Variants in CARMIL1 observed in about 807,000 individuals in gnomAD.
CARMIL1 encodes the protein F-actin-uncapping protein LRRC16A.
CARMIL1 carries 90 observed loss-of-function variants against 177.1 expected under a neutral mutation model. The observed-to-expected ratio is 0.51, with a 90% CI of 0.43 to 0.61. The LOEUF (loss-of-function observed/expected upper bound fraction) is 0.61. Ranked by LOEUF, CARMIL1 falls within the 20% of genes least tolerant of loss-of-function variation. The probability of loss-of-function intolerance (pLI) is 0.00; values close to 1 mark genes in which losing one functional copy is unlikely to be tolerated. For synonymous variants in CARMIL1, 577 were observed against 606.2 expected, an observed-to-expected ratio of 0.95 and a Z score of 0.71; for missense variants, 1,380 against 1,667.0, an observed-to-expected ratio of 0.83 and a Z score of 3.00.
At chr6:25,508,207 G>T (rs7738264) in intron 17 of CARMIL1, among the ~76,000 whole-genome samples, 66,333 of 151,896 alleles carry the variant, frequency 0.44, 14,860 homozygotes, top group Middle Eastern at 0.52. Context: ...GCTGGAGAGC[G>T]CCTGAGAAAA....
rs545657785 is a variant in CARMIL1 at position 25,384,978 on chromosome 6, G to A, written c.139-35136G>A. 1.1e-4 allele frequency among the ~76,000 whole-genome samples: 16 copies of A among 152,238 alleles called. No homozygotes were observed. The South Asian group carries it at 1.7e-3, about 16-fold the overall frequency. The stretch of plus-strand genomic sequence containing the variant: ...TCCAAGCATCCAGCAAACATTTATC[G>A]AGTACCTATTATGTGCTGAGTACTC... On this transcript the variant is annotated intron_variant, in intron 2 of 36. Coordinates refer to ENST00000329474, the MANE Select transcript of CARMIL1 (RefSeq NM_017640.6).
intron 31 of CARMIL1, among the ~76,000 whole-genome samples, chr6:25,587,990 G>A (rs1258516643): frequency 1.3e-5 from 2 of 151,522 alleles, no homozygotes; most frequent in Non-Finnish European, 2.9e-5. Context: ...TATTTAAAAG[G>A]CAATAAAAAA....
intron 2 of CARMIL1, among the ~76,000 whole-genome samples, chr6:25,401,652 A>G (rs184329572): frequency 3.3e-5 from 5 of 152,290 alleles, no homozygotes; most frequent in Non-Finnish European, 7.4e-5. Flanking sequence ...TTTCAAAGCA[A>G]GATTAATGGA....
intron 5 of CARMIL1, 54 bp downstream of exon 5, chr6:25,435,658 C>CG: frequency 6.6e-7 from 1 of 1,512,616 alleles, no homozygotes; most frequent in Non-Finnish European, 8.9e-7. Context: ...TTCCTCAAAA[C>CG]GGCAAATACA....
At chr6:25,341,485 A>G (rs1410973723) in intron 2 of CARMIL1, among the ~76,000 whole-genome samples, 1 of 152,170 alleles carries the variant, frequency 6.6e-6, no homozygotes, top group Non-Finnish European at 1.5e-5. Context: ...GCACTTTGGG[A>G]GGCTGAGGCG....
intron 2 of CARMIL1, among the ~76,000 whole-genome samples, chr6:25,386,312 G>T (rs767843559): frequency 1.3e-5 from 2 of 152,074 alleles, no homozygotes; most frequent in Non-Finnish European, 1.5e-5. Context: ...GAGTGCAGAG[G>T]CTCAATCTTG....
intron 2 of CARMIL1, among the ~76,000 whole-genome samples, chr6:25,364,868 C>T (rs917739709): frequency 1.2e-4 from 18 of 152,040 alleles, no homozygotes; most frequent in African/African-American, 3.9e-4. Context: ...GGAAGTGAAA[C>T]CCCGGAAGAG....
At chr6:25,302,695 C>T (rs768071172) in intron 2 of CARMIL1, among the ~76,000 whole-genome samples, 1 of 152,160 alleles carries the variant, frequency 6.6e-6, no homozygotes, top group Non-Finnish European at 1.5e-5. Context: ...GCTTTGTTCA[C>T]GATGCAGGGA....
At chr6:25,471,287 T>G in intron 10 of CARMIL1, 30 bp downstream of exon 10, 12 of 1,523,602 alleles carry the variant, frequency 7.9e-6, no homozygotes, top group Non-Finnish European at 1.1e-5. Flanking sequence ...TATAAATATG[T>G]TGCTTTAAAA....
chr6:25,532,291 A>C (rs1743984382), intron 24 of CARMIL1, among the ~76,000 whole-genome samples: 2 of 152,168 alleles, frequency 1.3e-5, no homozygotes, highest in Admixed American at 1.3e-4. Context: ...CATCCAAAAA[A>C]AAAATTACAG....
rs966921830 is a variant in CARMIL1 at position 25,515,929 on chromosome 6, C to T, written c.1805+82C>T. On this transcript the variant is annotated intron_variant, in intron 21 of 36. Coordinates refer to ENST00000329474, the MANE Select transcript of CARMIL1 (RefSeq NM_017640.6). The surrounding 1 kb of genome is among the most constrained non-coding windows in gnomAD (Gnocchi z 5.0). ...GCAAGCATTGCAGAGCTGCTGGGCC[C>T]GAGGGGACCTGGGCTTCCCATGAGG... 1.3e-5 allele frequency: 19 copies of T among 1,417,088 alleles called. No individual in the cohort carries two copies. In the Admixed American group the frequency reaches 2.5e-4, roughly 18 times the overall value. The allele number at this position is 1,417,088 out of a possible 1,614,324, so 87.8% of individuals were successfully genotyped here.
At chr6:25,591,886 C>T (rs946491599) in intron 31 of CARMIL1, among the ~76,000 whole-genome samples, 1 of 152,156 alleles carries the variant, frequency 6.6e-6, no homozygotes, top group Non-Finnish European at 1.5e-5. Flanking sequence ...TGCAGGAAAG[C>T]AAACTGTTTT....
rs960514533 is a variant in CARMIL1 at position 25,485,163 on chromosome 6, G to A, written c.961+2820G>A. Among the ~76,000 whole-genome samples, 5 of 152,266 alleles carry A rather than the reference G, an allele frequency of 3.3e-5. No individual in the cohort carries two copies. In the South Asian group the frequency reaches 8.3e-4, roughly 25 times the overall value. ...TCATCATTTATCCTTTCAAGGGCAA[G>A]TTTGGTTCTGAGGACCTTCAGTGCC... On this transcript the variant is annotated intron_variant, in intron 12 of 36. Coordinates refer to ENST00000329474, the MANE Select transcript of CARMIL1 (RefSeq NM_017640.6).
At chr6:25,588,697 A>T (rs927230757) in intron 31 of CARMIL1, among the ~76,000 whole-genome samples, 2 of 152,230 alleles carry the variant, frequency 1.3e-5, no homozygotes, top group African/African-American at 4.8e-5. Flanking sequence ...GTATTCCCTT[A>T]AGGAAAAATC....
intron 27 of CARMIL1, among the ~76,000 whole-genome samples, chr6:25,552,231 G>A (rs933871209): frequency 2.6e-5 from 4 of 151,972 alleles, no homozygotes; most frequent in African/African-American, 9.7e-5. Flanking sequence ...TATAACCTGT[G>A]GTTTGAGAAT....
chr6:25,289,686 G>A (rs1781789411), intron 2 of CARMIL1, among the ~76,000 whole-genome samples: 1 of 152,124 alleles, frequency 6.6e-6, no homozygotes, highest in Admixed American at 6.6e-5. Context: ...TTATATAAAT[G>A]TACTCATACA....
At chr6:25,578,975 C>T (rs56383372) in intron 29 of CARMIL1, among the ~76,000 whole-genome samples, 23,247 of 151,954 alleles carry the variant, frequency 0.15, 1,891 homozygotes, top group Middle Eastern at 0.21. Context: ...CTGATGATTT[C>T]GTGTGTTTCT....
intron 11 of CARMIL1, 76 bp from the exon 12 acceptor site, chr6:25,482,179 TAA>T (rs532721622): frequency 4.6e-5 from 33 of 711,634 alleles, no homozygotes; most frequent in African/African-American, 3.3e-4. Flanking sequence ...GAATCAAAAT[TAA>T]GTTAATTTTC....
intron 29 of CARMIL1, among the ~76,000 whole-genome samples, chr6:25,578,914 C>T (rs1812855383): frequency 6.6e-6 from 1 of 151,946 alleles, no homozygotes; most frequent in African/African-American, 2.4e-5. Context: ...AAAACAAGAC[C>T]AAGAGGAGAA....
Sources: allele counts gnomAD v4.1 joint callset (sites outside exome capture counted in the v4.1 genomes callset), GRCh38; gene constraint gnomAD v4.1.1; non-coding constraint Gnocchi (gnomAD v3.1); transcripts MANE v1.5; gene names NCBI Gene and HGNC (gene_info 2026-07-23, HGNC 2026-07-21).